KCNT2: variants seen among roughly 807,000 people sequenced by gnomAD.
The protein encoded by KCNT2 is potassium channel subfamily T member 2.
A neutral mutation model predicts 153.8 loss-of-function variants in KCNT2; 67 were observed. The ratio of observed to expected loss-of-function variants is 0.44; its 90% CI spans 0.36 to 0.53. KCNT2 has a LOEUF of 0.53. Ranked by LOEUF, KCNT2 falls within the 20% of genes least tolerant of loss-of-function variation. KCNT2 has a pLI of 0.00. For synonymous variants in KCNT2, 500 were observed against 458.8 expected, an observed-to-expected ratio of 1.09 and a Z score of -1.15; for missense variants, 975 against 1,354.8, an observed-to-expected ratio of 0.72 and a Z score of 4.40.
intron 1 of KCNT2, among the ~76,000 whole-genome samples, chr1:196,575,342 T>C (rs1661230630): frequency 6.6e-6 from 1 of 152,106 alleles, no homozygotes; most frequent in Non-Finnish European, 1.5e-5. Flanking sequence ...CATTTCTCTT[T>C]TGAGAAAATG....
chr1:196,319,552 T>C lies in KCNT2; in HGVS notation c.2280A>G (p.Pro760=). 6.2e-7 allele frequency: 1 copy of C among 1,605,150 alleles called. No individual in the cohort carries two copies. Among genetic ancestry groups the C allele is most frequent in the Non-Finnish European group, 8.5e-7 (1 of 1,173,174 alleles). ...NPIVLLLDNP[P]DMHFLDAICW... ...AGATTGCATCCAGAAAATGCATATCTGGCCTAAGTAGTAGATGGGTTACAA... is the reference window on the plus strand; with the variant it reads ...AGATTGCATCCAGAAAATGCATATCCGGCCTAAGTAGTAGATGGGTTACAA... Residue 760 remains proline, a synonymous_variant, in exon 20 of 28, where the codon CCA becomes CCG. Transcript: ENST00000294725.
At chr1:196,481,335 G>T (rs1557991261) in intron 4 of KCNT2, among the ~76,000 whole-genome samples, 1 of 152,180 alleles carries the variant, frequency 6.6e-6, no homozygotes, top group Non-Finnish European at 1.5e-5. Flanking sequence ...GAGGGTGGAT[G>T]ATGAGAAATT....
At chr1:196,244,599 GGA>G (rs913426132) in intron 26 of KCNT2, among the ~76,000 whole-genome samples, 2 of 152,124 alleles carry the variant, frequency 1.3e-5, no homozygotes, top group Admixed American at 1.3e-4. Flanking sequence ...GTGGCCACAG[GGA>G]GAGATTTCTT....
intron 13 of KCNT2, among the ~76,000 whole-genome samples, chr1:196,381,022 T>C (rs1264976275): frequency 6.6e-6 from 1 of 152,204 alleles, no homozygotes; most frequent in Non-Finnish European, 1.5e-5. Flanking sequence ...TTTCACTAGA[T>C]CTAACTATAA....
chr1:196,249,598 C>A (rs552192590), intron 26 of KCNT2, among the ~76,000 whole-genome samples: 45 of 152,004 alleles, frequency 3.0e-4, no homozygotes, highest in Admixed American at 2.6e-4. Flanking sequence ...CATAGTGAAA[C>A]CCTGTCTCTA....
At chr1:196,567,432 G>C (rs1660244880) in intron 1 of KCNT2, among the ~76,000 whole-genome samples, 1 of 152,142 alleles carries the variant, frequency 6.6e-6, no homozygotes, top group Non-Finnish European at 1.5e-5. Flanking sequence ...TGAATAGCAA[G>C]TGCTGTTGTC....
chr1:196,576,949 G>A (rs769480216), intron 1 of KCNT2, among the ~76,000 whole-genome samples: 5 of 152,042 alleles, frequency 3.3e-5, no homozygotes, highest in South Asian at 2.1e-4. Context: ...AAAAGTGATC[G>A]ATTTTTCCAT....
rs1558271394 is a variant in KCNT2, at chr1:196,423,041, G to A, written c.1185+9C>T. The A allele has an allele frequency of 2.0e-6, 3 of 1,535,728 alleles. No homozygotes were observed. Among genetic ancestry groups the A allele is most frequent in the Non-Finnish European group, 2.6e-6 (3 of 1,135,320 alleles). On this transcript the variant is annotated intron_variant, in intron 12 of 27. Coordinates refer to ENST00000294725, the MANE Select transcript of KCNT2 (RefSeq NM_198503.5). ...GCACAACTTACTAAAAAAGATTTTA[G>A]AAACTTACAGATGATGTCCTATCCA... is the stretch of plus-strand genomic sequence containing the variant.
At chr1:196,450,835 T>C (rs1676097324) in intron 8 of KCNT2, among the ~76,000 whole-genome samples, 1 of 151,888 alleles carries the variant, frequency 6.6e-6, no homozygotes, top group South Asian at 2.1e-4. Context: ...AATAAGTAAA[T>C]AAAGCTTCTG....
chr1:196,228,019 A>G lies in KCNT2; in HGVS notation c.*205T>C. 1 of 385,810 alleles carries G rather than the reference A, an allele frequency of 2.6e-6. No individual in the cohort carries two copies. The highest frequency in any genetic ancestry group is 4.6e-6 in the Non-Finnish European group (1 of 217,210). The allele number at this position is 385,810 out of a possible 1,614,324, so 23.9% of individuals were successfully genotyped here. The stretch of plus-strand genomic sequence containing the variant: ...TAATTTAGCTTTTCAAATTTATTCC[A>G]TTGAGGTCCTTCAAATATTAATAGG... On this transcript the variant is annotated 3_prime_UTR_variant, in exon 28 of 28. Transcript: ENST00000294725.
intron 1 of KCNT2, among the ~76,000 whole-genome samples, chr1:196,510,974 CACAA>C (rs920730930): frequency 2.0e-5 from 3 of 152,084 alleles, no homozygotes; most frequent in African/African-American, 7.2e-5. Flanking sequence ...ATTGTTTTAC[CACAA>C]ACAAAGTTTT....
intron 5 of KCNT2, among the ~76,000 whole-genome samples, chr1:196,477,067 T>C (rs1237914200): frequency 1.3e-5 from 2 of 152,168 alleles, no homozygotes; most frequent in Non-Finnish European, 2.9e-5. Flanking sequence ...TTTTAATCAA[T>C]CCACCTATAT....
intron 8 of KCNT2, among the ~76,000 whole-genome samples, chr1:196,464,781 T>C (rs1217569038): frequency 6.6e-6 from 1 of 152,022 alleles, no homozygotes; most frequent in African/African-American, 2.4e-5. Flanking sequence ...TAATAAAGCA[T>C]ATTTTATATG....
chr1:196,449,817 A>G (rs2148614999), intron 8 of KCNT2, among the ~76,000 whole-genome samples: 1 of 151,874 alleles, frequency 6.6e-6, no homozygotes, highest in East Asian at 1.9e-4. Flanking sequence ...AATAAAGAAA[A>G]AAGAATAAAA....
At position 196,226,346 on chromosome 1, in the gene KCNT2, A is replaced by C. The variant is rs1265610399; in HGVS notation, c.*1878T>G. 2 of 152,030 alleles carry C rather than the reference A, an allele frequency of 1.3e-5. No individual in the cohort carries two copies. The highest frequency in any genetic ancestry group is 4.8e-5 in the African/African-American group (2 of 41,460). 9.4% of individuals were successfully genotyped at this position (152,030 alleles called of 1,614,324 possible). ...AAAATTTATTGTTTTTCTCTGTTAC[A>C]TATATTAGTTCCATTCTGCCTTCAG... is the stretch of plus-strand genomic sequence containing the variant. On this transcript the variant is annotated 3_prime_UTR_variant, in exon 28 of 28. Transcript: ENST00000294725.
intron 19 of KCNT2, among the ~76,000 whole-genome samples, chr1:196,323,697 T>C (rs1663559122): frequency 6.6e-6 from 1 of 151,972 alleles, no homozygotes; most frequent in South Asian, 2.1e-4. Flanking sequence ...CATCTGCTAT[T>C]ATTTATTTCT....
intron 1 of KCNT2, among the ~76,000 whole-genome samples, chr1:196,528,128 G>A (rs1256145391): frequency 2.0e-5 from 3 of 152,078 alleles, no homozygotes; most frequent in Non-Finnish European, 2.9e-5. Flanking sequence ...CAAAACATCC[G>A]GTTTCATTTT....
chr1:196,245,154 G>T (rs971381584), intron 26 of KCNT2, among the ~76,000 whole-genome samples: 1 of 152,116 alleles, frequency 6.6e-6, no homozygotes. Flanking sequence ...GGGGTGCACC[G>T]TGAGTAGATA....
At chr1:196,315,422 T>C (rs764432704) in intron 21 of KCNT2, among the ~76,000 whole-genome samples, 4 of 151,632 alleles carry the variant, frequency 2.6e-5, no homozygotes, top group Non-Finnish European at 5.9e-5. Context: ...AATGGGTACA[T>C]TTAATTAATA....
Sources: allele counts gnomAD v4.1 joint callset (sites outside exome capture counted in the v4.1 genomes callset), GRCh38; gene constraint gnomAD v4.1.1; transcripts MANE v1.5; gene names NCBI Gene and HGNC (gene_info 2026-07-23, HGNC 2026-07-21).